GTF3C2: variants seen among roughly 807,000 people sequenced by gnomAD.
GTF3C2 encodes general transcription factor 3C polypeptide 2.
Under a neutral mutation model 117.4 loss-of-function variants are expected in GTF3C2, and 17 were observed. The observed-to-expected ratio is 0.14, with a 90% CI of 0.10 to 0.22. GTF3C2 has a LOEUF of 0.22. Ranked by LOEUF, GTF3C2 falls within the 10% of genes least tolerant of loss-of-function variation. The pLI is 1.00. For synonymous variants in GTF3C2, 437 were observed against 427.0 expected (o/e 1.02, Z -0.29); for missense variants, 888 against 1,143.6 (o/e 0.78, Z 3.22).
At chr2:27,337,656 G>A (rs376711809) in intron 5 of GTF3C2, 98 bp from the exon 6 acceptor site, 8 of 874,726 alleles carry the variant, frequency 9.1e-6, no homozygotes, top group Non-Finnish European at 1.5e-5. Context: ...CATTATCTGT[G>A]CTCCCCAATA....
exon 17 of GTF3C2, chr2:27,328,147 C>G (rs993957724): frequency 2.5e-6 from 4 of 1,604,158 alleles, no homozygotes; most frequent in Non-Finnish European, 3.4e-6. Flanking sequence ...TCTGGACCTT[C>G]AGGACTGTCC....
intron 7 of GTF3C2, 44 bp downstream of exon 7, chr2:27,337,200 C>T (rs1487906704): frequency 1.7e-6 from 2 of 1,147,260 alleles, no homozygotes; most frequent in Non-Finnish European, 2.6e-6. Flanking sequence ...TTTCTTGTTT[C>T]TGGCTCCTAG....
rs182635913 is a variant in GTF3C2, at chr2:27,353,191, G to C, written c.-25+3548C>G. Among the ~76,000 whole-genome samples, 313 of 152,122 alleles carry C rather than the reference G, an allele frequency of 2.1e-3. 3 individuals carry two copies. The highest frequency in any genetic ancestry group is 7.3e-3 in the African/African-American group (302 of 41,526). ...GAGCAGATCATGAGGTCAGGAGATCGAGACCATCCTGGCCAACATGGTGAA... is the reference window on the plus strand; with the variant it reads ...GAGCAGATCATGAGGTCAGGAGATCCAGACCATCCTGGCCAACATGGTGAA... On this transcript the variant is annotated intron_variant, in intron 1 of 18. Transcript: ENST00000264720.
At chr2:27,332,878 G>A (rs530726553) in intron 12 of GTF3C2, among the ~76,000 whole-genome samples, 1 of 151,660 alleles carries the variant, frequency 6.6e-6, no homozygotes, top group East Asian at 2.0e-4. Flanking sequence ...ATGACACCCA[G>A]CTAATTTTTG....
intron 1 of GTF3C2, among the ~76,000 whole-genome samples, chr2:27,349,321 T>G (rs1283258691): frequency 1.0e-4 from 15 of 149,820 alleles, no homozygotes; most frequent in Admixed American, 4.0e-4. Flanking sequence ...CTAATTTTTT[T>G]TATTTTTAGT....
intron 1 of GTF3C2, among the ~76,000 whole-genome samples, chr2:27,355,726 T>C (rs1393783240): frequency 6.6e-6 from 1 of 152,162 alleles, no homozygotes; most frequent in Non-Finnish European, 1.5e-5. Flanking sequence ...GACACAACAC[T>C]GCACCTTAAG....
At chr2:27,332,764 G>A (rs540748268) in intron 12 of GTF3C2, among the ~76,000 whole-genome samples, 1 of 150,376 alleles carries the variant, frequency 6.6e-6, no homozygotes, top group African/African-American at 2.4e-5. Flanking sequence ...TTGCCAGGCT[G>A]GAGTGCAGTG....
exon 12 of GTF3C2, chr2:27,333,689 C>A (rs570796218): frequency 6.2e-7 from 1 of 1,612,246 alleles, no homozygotes; most frequent in Admixed American, 1.7e-5. Context: ...GTTGGTGGGG[C>A]CTGGTAGGCA....
At chr2:27,356,535 G>C (rs1268826836) in intron 1 of GTF3C2, 1 of 219,552 alleles carries the variant, frequency 4.6e-6, no homozygotes, top group Non-Finnish European at 9.6e-6. Context: ...GGCTTGCAGA[G>C]ATGGGGGGTG....
intron 1 of GTF3C2, among the ~76,000 whole-genome samples, chr2:27,355,357 C>T (rs141472433): frequency 0.014 from 2,156 of 152,162 alleles, 52 homozygotes; most frequent in African/African-American, 0.05. Context: ...CCCGTCTCTA[C>T]TAAAAATACA....
chr2:27,350,468 A>C (rs1488564537), intron 1 of GTF3C2: 3 of 985,470 alleles, frequency 3.0e-6, no homozygotes, highest in Non-Finnish European at 2.4e-6. Context: ...TGCTTATCAA[A>C]CTGGGAAGGT....
chr2:27,326,453 G>C, exon 19 of GTF3C2: 1 of 592,758 alleles, frequency 1.7e-6, no homozygotes, highest in Admixed American at 3.0e-5. Context: ...AGGCTGAGGA[G>C]CCTTGAGAGT....
chr2:27,355,639 C>G (rs1421979425), intron 1 of GTF3C2, among the ~76,000 whole-genome samples: 1 of 152,166 alleles, frequency 6.6e-6, no homozygotes, highest in Non-Finnish European at 1.5e-5. Flanking sequence ...CTAAAACCTT[C>G]CATTGCACCC....
intron 10 of GTF3C2, among the ~76,000 whole-genome samples, chr2:27,334,615 C>T (rs1043808945): frequency 6.6e-6 from 1 of 152,008 alleles, no homozygotes; most frequent in African/African-American, 2.4e-5. Flanking sequence ...AATCCACCAC[C>T]CTCAATTACT....
chr2:27,331,125 G>T (rs974901755), intron 12 of GTF3C2, among the ~76,000 whole-genome samples: 1 of 152,156 alleles, frequency 6.6e-6, no homozygotes, highest in Non-Finnish European at 1.5e-5. Flanking sequence ...TTGGAGGGGA[G>T]ACTAAGATAA....
intron 1 of GTF3C2, among the ~76,000 whole-genome samples, chr2:27,344,196 G>C (rs1056509456): frequency 2.0e-5 from 3 of 151,868 alleles, no homozygotes; most frequent in Non-Finnish European, 4.4e-5. Flanking sequence ...GCTAATTTTT[G>C]TATTTTTAAT....
At chr2:27,350,755 T>C (rs1028265003) in intron 1 of GTF3C2, 1 of 152,110 alleles carries the variant, frequency 6.6e-6, no homozygotes, top group African/African-American at 2.4e-5. Context: ...CCGACCAGCC[T>C]GGCCAAAAGC....
At chr2:27,341,898 C>A in intron 4 of GTF3C2, 50 bp downstream of exon 4, 1 of 1,472,858 alleles carries the variant, frequency 6.8e-7, no homozygotes, top group South Asian at 1.2e-5. Context: ...CTTGCTGGTC[C>A]CCTAAAATCC....
At position 27,335,510 on chromosome 2, in the gene GTF3C2, C is replaced by A. The variant is rs116524810; in HGVS notation, c.1576+88G>T. ...AAGGCTTTGTGCTAAGAGAGACTGG[C>A]CCAGAGGAGTTTCCAGGGAGACAGA... On this transcript the variant is annotated intron_variant, in intron 10 of 18. Coordinates refer to ENST00000264720, the Ensembl canonical transcript of GTF3C2. 5.2e-6 allele frequency: 4 copies of A among 766,902 alleles called. No homozygotes were observed. The African/African-American group carries it at 6.9e-5, about 13-fold the overall frequency. 47.5% of individuals were successfully genotyped at this position (766,902 alleles called of 1,614,324 possible).
Sources: allele counts gnomAD v4.1 joint callset (sites outside exome capture counted in the v4.1 genomes callset), GRCh38; gene constraint gnomAD v4.1.1; transcripts MANE v1.5; gene names NCBI Gene and HGNC (gene_info 2026-07-23, HGNC 2026-07-21).